The following DCP1A variants were observed in gnomAD, a reference collection of about 807,000 sequenced individuals.
DCP1A encodes decapping mRNA 1A.
In DCP1A, 20 loss-of-function variants were observed where a neutral mutation model predicts 58.0. That is an observed-to-expected ratio of 0.34 (90% confidence interval 0.24 to 0.50). The LOEUF is 0.50. DCP1A is among the 20% of genes least tolerant of loss of function. DCP1A has a pLI of 0.98. For synonymous variants in DCP1A, 285 were observed against 275.1 expected (o/e 1.04, Z -0.36); for missense variants, 613 against 712.2 (o/e 0.86, Z 1.59).
chr3:53,308,380 G>A (rs1707538418), intron 5 of DCP1A, among the ~76,000 whole-genome samples: 1 of 151,930 alleles, frequency 6.6e-6, no homozygotes, highest in Non-Finnish European at 1.5e-5. Context: ...CTGTAACTTG[G>A]AGCTGTTGGG....
intron 3 of DCP1A, among the ~76,000 whole-genome samples, chr3:53,335,438 G>A (rs782217621): frequency 1.3e-5 from 2 of 152,122 alleles, no homozygotes; most frequent in African/African-American, 4.8e-5. Context: ...CATAGTGTCC[G>A]GCTAATATTT....
In DCP1A at chr3:53,292,645, AG is replaced by A; in HGVS notation, c.806del (p.Pro269LeufsTer25). 6.2e-7 allele frequency: 1 copy of A among 1,613,616 alleles called. No individual in the cohort carries two copies. Among genetic ancestry groups the A allele is most frequent in the Non-Finnish European group, 8.5e-7 (1 of 1,179,750 alleles). ...PFPFEQLGGA[P>X]QSETLGVPSA... ...AAGGGACACCCAGGGTTTCTGATTG[AG>A]GGGCTCCTCCTAACTGCTCAAAGGG... On this transcript the variant is annotated frameshift_variant, in exon 7 of 10. Transcript: ENST00000610213. LOFTEE classifies it high-confidence loss of function.
At chr3:53,338,851 G>C (rs1477232685) in intron 3 of DCP1A, among the ~76,000 whole-genome samples, 20 of 127,640 alleles carry the variant, frequency 1.6e-4, no homozygotes, top group Non-Finnish European at 3.0e-4. Context: ...ACAGAGCAAG[G>C]CTCCGTCTCA....
At chr3:53,315,818 A>G (rs192165381) in intron 4 of DCP1A, among the ~76,000 whole-genome samples, 2 of 127,846 alleles carry the variant, frequency 1.6e-5, no homozygotes, top group Admixed American at 2.0e-4. Flanking sequence ...CAGTGGCACG[A>G]TCTTGGCTCA....
chr3:53,312,482 T>G (rs1707676626), intron 4 of DCP1A, 103 bp from the exon 5 acceptor site: 6 of 1,024,884 alleles, frequency 5.9e-6, no homozygotes, highest in Non-Finnish European at 8.1e-6. Context: ...GAGTGTCACA[T>G]GATGACATTC....
chr3:53,345,005 T>C (rs944073095), intron 1 of DCP1A, 63 bp from the exon 2 acceptor site: 2 of 1,262,786 alleles, frequency 1.6e-6, no homozygotes, highest in Admixed American at 2.2e-5. Context: ...ATAGTCCCCA[T>C]GGAGAAGTAA....
At chr3:53,293,338 A>G (rs1405855417) in intron 6 of DCP1A, among the ~76,000 whole-genome samples, 1 of 152,240 alleles carries the variant, frequency 6.6e-6, no homozygotes, top group African/African-American at 2.4e-5. Context: ...TTCTTCAGAA[A>G]AAGCATGTAA....
intron 2 of DCP1A, among the ~76,000 whole-genome samples, chr3:53,344,498 A>G (rs1302969880): frequency 6.6e-6 from 1 of 152,230 alleles, no homozygotes; most frequent in Non-Finnish European, 1.5e-5. Flanking sequence ...CATAAAAGAC[A>G]ACCACTCATG....
chr3:53,285,412 T>C lies in DCP1A; in HGVS notation c.*2168A>G, dbSNP rs1479714864. 1 of 152,188 alleles carries C rather than the reference T, an allele frequency of 6.6e-6. No homozygotes were observed. Among genetic ancestry groups the C allele is most frequent in the Non-Finnish European group, 1.5e-5 (1 of 68,026 alleles). The allele number at this position is 152,188 out of a possible 1,614,324, so 9.4% of individuals were successfully genotyped here. The stretch of plus-strand genomic sequence containing the variant: ...GGGATTCATTCTGGCCTGAACTTCC[T>C]GGTAATCATGACATGAACTTCTGGC... On this transcript the variant is annotated 3_prime_UTR_variant, in exon 10 of 10. Coordinates refer to ENST00000610213, the MANE Select transcript of DCP1A (RefSeq NM_018403.7).
intron 3 of DCP1A, among the ~76,000 whole-genome samples, chr3:53,333,395 C>T (rs555741605): frequency 3.3e-5 from 5 of 152,192 alleles, no homozygotes; most frequent in Non-Finnish European, 5.9e-5. Flanking sequence ...CCACCCTCCT[C>T]GGCCTCCCAA....
At chr3:53,290,943 A>G in intron 7 of DCP1A, 87 bp from the exon 8 acceptor site, 2 of 1,204,528 alleles carry the variant, frequency 1.7e-6, no homozygotes, top group Non-Finnish European at 2.4e-6. Context: ...AGACTTTCCC[A>G]GTGGAAAATC....
At chr3:53,338,075 ATC>A in intron 3 of DCP1A, 1 of 377,414 alleles carries the variant, frequency 2.6e-6, no homozygotes, top group African/African-American at 2.1e-5. Flanking sequence ...CAAATTCTCC[ATC>A]TGTCACTTAT....
chr3:53,342,862 C>A (rs1445485456), intron 2 of DCP1A, among the ~76,000 whole-genome samples: 1 of 152,158 alleles, frequency 6.6e-6, no homozygotes, highest in Non-Finnish European at 1.5e-5. Context: ...TTTTTTCATA[C>A]ATATATCCCA....
At chr3:53,319,075 A>G (rs1707889839) in intron 4 of DCP1A, among the ~76,000 whole-genome samples, 1 of 152,218 alleles carries the variant, frequency 6.6e-6, no homozygotes, top group African/African-American at 2.4e-5. Flanking sequence ...AATACTACAG[A>G]GAAAGATTTA....
Position 53,342,141 on chromosome 3 carries a change from C to A in DCP1A, c.304+3G>T. The A allele has an allele frequency of 6.3e-7, 1 of 1,595,252 alleles. No homozygotes were observed. Among genetic ancestry groups the A allele is most frequent in the South Asian group, 1.1e-5 (1 of 88,356 alleles). On this transcript the variant is annotated splice_donor_region_variant and intron_variant, in intron 3 of 9. Transcript: ENST00000610213. ...ATAACTATAATAAAACAGATATACT[C>A]ACAGCTTGCATTTCTATACAGAAGA...
intron 4 of DCP1A, 49 bp from the exon 5 acceptor site, chr3:53,312,428 G>A: frequency 6.8e-7 from 1 of 1,476,712 alleles, no homozygotes; most frequent in Non-Finnish European, 9.0e-7. Context: ...AACAAAATCT[G>A]ACCCAAGATT....
chr3:53,290,939 T>G, intron 7 of DCP1A, 83 bp from the exon 8 acceptor site: 1 of 1,234,230 alleles, frequency 8.1e-7, no homozygotes, highest in Non-Finnish European at 1.2e-6. Flanking sequence ...AAAAAGACTT[T>G]CCCAGTGGAA....
chr3:53,336,611 G>C (rs1201964392), intron 3 of DCP1A, among the ~76,000 whole-genome samples: 2 of 152,134 alleles, frequency 1.3e-5, no homozygotes, highest in African/African-American at 4.8e-5. Context: ...AGACATGCCT[G>C]ATATTCCTGG....
intron 1 of DCP1A, among the ~76,000 whole-genome samples, chr3:53,346,724 T>C (rs1489787497): frequency 1.3e-5 from 2 of 152,150 alleles, no homozygotes; most frequent in East Asian, 1.9e-4. Flanking sequence ...ACCAGCATCA[T>C]AGATGGAACA....
Sources: allele counts gnomAD v4.1 joint callset (sites outside exome capture counted in the v4.1 genomes callset), GRCh38; gene constraint gnomAD v4.1.1; transcripts MANE v1.5; gene names NCBI Gene and HGNC (gene_info 2026-07-23, HGNC 2026-07-21).